ADAMTS19: variants seen among roughly 807,000 people sequenced by gnomAD.
ADAMTS19 encodes ADAM metallopeptidase with thrombospondin type 1 motif 19.
A neutral mutation model predicts 153.3 loss-of-function variants in ADAMTS19; 93 were observed. That is an observed-to-expected ratio of 0.61 (90% confidence interval 0.51 to 0.72). The LOEUF is 0.72. Among genes scored for constraint, ADAMTS19 ranks in the 30% least tolerant of loss-of-function variants. The pLI, the probability that ADAMTS19 is intolerant of heterozygous loss-of-function variation, is 0.00. For synonymous variants in ADAMTS19, 600 were observed against 556.6 expected (o/e 1.08, Z -1.10); for missense variants, 1,482 against 1,552.1 (o/e 0.95, Z 0.76).
At chr5:129,525,213 AC>A (rs1751966303) in intron 3 of ADAMTS19, among the ~76,000 whole-genome samples, 1 of 152,080 alleles carries the variant, frequency 6.6e-6, no homozygotes, top group African/African-American at 2.4e-5. Context: ...ACTTTAGTAG[AC>A]CCTGCAAACT....
intron 7 of ADAMTS19, among the ~76,000 whole-genome samples, chr5:129,554,444 T>A (rs1190311195): frequency 6.6e-6 from 1 of 152,100 alleles, no homozygotes; most frequent in Non-Finnish European, 1.5e-5. Flanking sequence ...ATTCCCTATA[T>A]TTGCCTCAAC....
At chr5:129,549,525 G>A (rs1400495283) in intron 6 of ADAMTS19, among the ~76,000 whole-genome samples, 5 of 151,518 alleles carry the variant, frequency 3.3e-5, no homozygotes, top group Admixed American at 1.3e-4. Context: ...CTTAGAGACC[G>A]AGTACTTAAT....
chr5:129,599,961 T>C (rs529323138), intron 8 of ADAMTS19, among the ~76,000 whole-genome samples: 4 of 152,280 alleles, frequency 2.6e-5, no homozygotes, highest in South Asian at 2.1e-4. Context: ...GTTTTCCTGA[T>C]GCTAGACAGT....
intron 7 of ADAMTS19, among the ~76,000 whole-genome samples, chr5:129,579,374 C>A (rs1012641775): frequency 1.3e-5 from 2 of 152,040 alleles, no homozygotes; most frequent in Admixed American, 6.6e-5. Flanking sequence ...AAAATGTTGT[C>A]CCATTCTTTA....
chr5:129,728,911 A>G (rs1757320579), intron 21 of ADAMTS19, among the ~76,000 whole-genome samples: 1 of 152,174 alleles, frequency 6.6e-6, no homozygotes, highest in African/African-American at 2.4e-5. Flanking sequence ...TAATTTTAAG[A>G]CTATGTTAGA....
chr5:129,657,061 T>C (rs1348654053), intron 14 of ADAMTS19, among the ~76,000 whole-genome samples: 1 of 152,224 alleles, frequency 6.6e-6, no homozygotes, highest in South Asian at 2.1e-4. Flanking sequence ...CTTGGTTGTG[T>C]TCTGCTCATT....
chr5:129,586,528 T>A (rs1465190935), intron 7 of ADAMTS19, among the ~76,000 whole-genome samples: 1 of 152,204 alleles, frequency 6.6e-6, no homozygotes, highest in African/African-American at 2.4e-5. Context: ...TAGCACTGAA[T>A]AATATTGTTG....
In ADAMTS19 at chr5:129,732,495, T is replaced by G. The variant is rs1467691418; in HGVS notation, c.3313-2437T>G. 2.0e-5 allele frequency among the ~76,000 whole-genome samples: 3 copies of G among 152,148 alleles called. No individual in the cohort carries two copies. The East Asian group carries it at 5.8e-4, about 29-fold the overall frequency. ...GTGAAGTTTCAGGATACAAAATCAA[T>G]GTAGAAGCATGTCTATACACAAATA... On this transcript the variant is annotated intron_variant, in intron 21 of 22. Transcript: ENST00000274487.
At chr5:129,605,207 T>C (rs1972624) in intron 8 of ADAMTS19, among the ~76,000 whole-genome samples, 88,495 of 151,976 alleles carry the variant, frequency 0.58, 27,218 homozygotes, top group Non-Finnish European at 0.69. Context: ...CAAAGCAAAT[T>C]GCCTGGCTTC....
chr5:129,714,494 A>G (rs892936080), intron 21 of ADAMTS19, among the ~76,000 whole-genome samples: 2 of 152,044 alleles, frequency 1.3e-5, no homozygotes, highest in Non-Finnish European at 2.9e-5. Flanking sequence ...ATGCATAAGT[A>G]TATAGAGCGT....
intron 7 of ADAMTS19, among the ~76,000 whole-genome samples, chr5:129,593,887 A>C (rs73785210): frequency 0.039 from 5,936 of 152,268 alleles, 360 homozygotes; most frequent in African/African-American, 0.14. Flanking sequence ...TATTTCCCTC[A>C]GTGGCTGTTC....
At chr5:129,493,736 A>T (rs1287291743) in intron 2 of ADAMTS19, among the ~76,000 whole-genome samples, 1 of 152,180 alleles carries the variant, frequency 6.6e-6, no homozygotes, top group Non-Finnish European at 1.5e-5. Context: ...AATAGTTATT[A>T]ATTCCTTCAA....
At chr5:129,580,249 G>T (rs1749444156) in intron 7 of ADAMTS19, among the ~76,000 whole-genome samples, 1 of 152,082 alleles carries the variant, frequency 6.6e-6, no homozygotes, top group Non-Finnish European at 1.5e-5. Flanking sequence ...TCTGTTATTG[G>T]TGTAGAGGAA....
At chr5:129,731,768 A>G (rs1001383030) in intron 21 of ADAMTS19, among the ~76,000 whole-genome samples, 2 of 152,112 alleles carry the variant, frequency 1.3e-5, no homozygotes, top group Non-Finnish European at 2.9e-5. Context: ...TACAAATGAT[A>G]TGTCTGTATA....
At chr5:129,552,057 T>A (rs1753141088) in intron 7 of ADAMTS19, 150 bp downstream of exon 7, 2 of 528,168 alleles carry the variant, frequency 3.8e-6, no homozygotes, top group Non-Finnish European at 6.5e-6. Flanking sequence ...TTTAATCATT[T>A]GTCAGCACTT....
chr5:129,647,783 T>G lies in ADAMTS19; in HGVS notation c.1891T>G (p.Cys631Gly). 1.9e-6 allele frequency: 3 copies of G among 1,614,046 alleles called. No individual in the cohort carries two copies. Among genetic ancestry groups the G allele is most frequent in the Non-Finnish European group, 2.5e-6 (3 of 1,179,928 alleles). The stretch of plus-strand genomic sequence containing the variant: ...GGAATAGTGGTGTAAGGCTGGAGAA[T>G]GTACCAGCAGGACCTCAGCACCTGA... ...DLGKWCKAGE[C>G]TSRTSAPEHL... Residue 631 changes from cysteine to glycine, a missense_variant, in exon 12 of 23, where the codon TGT becomes GGT. Cys to Gly is a radical substitution (Grantham distance 159, BLOSUM62 -3). Transcript: ENST00000274487.
intron 6 of ADAMTS19, among the ~76,000 whole-genome samples, chr5:129,542,766 C>G (rs1161559538): frequency 1.3e-5 from 2 of 152,080 alleles, no homozygotes; most frequent in East Asian, 3.8e-4. Flanking sequence ...AATATTAAAA[C>G]TCCCAATACT....
At chr5:129,546,597 G>C (rs532011761) in intron 6 of ADAMTS19, among the ~76,000 whole-genome samples, 1 of 150,834 alleles carries the variant, frequency 6.6e-6, no homozygotes, top group South Asian at 2.1e-4. Flanking sequence ...TCAGTGTGTT[G>C]AGAGTCAATA....
intron 7 of ADAMTS19, among the ~76,000 whole-genome samples, chr5:129,572,801 G>A (rs978884929): frequency 7.2e-5 from 11 of 152,052 alleles, no homozygotes; most frequent in Admixed American, 5.9e-4. Context: ...AAGAAGTTTT[G>A]GGGTGTGATG....
Sources: allele counts gnomAD v4.1 joint callset (sites outside exome capture counted in the v4.1 genomes callset), GRCh38; gene constraint gnomAD v4.1.1; transcripts MANE v1.5; gene names NCBI Gene and HGNC (gene_info 2026-07-23, HGNC 2026-07-21).